TNKS: variants seen among roughly 807,000 people sequenced by gnomAD.
TNKS encodes poly [ADP-ribose] polymerase tankyrase-1.
In TNKS, 72 loss-of-function variants were observed where a neutral mutation model predicts 135.8. The ratio of observed to expected loss-of-function variants is 0.53; its 90% CI spans 0.44 to 0.64. The LOEUF (loss-of-function observed/expected upper bound fraction) is 0.64. Ranked by LOEUF, TNKS falls within the 30% of genes least tolerant of loss-of-function variation. TNKS has a pLI of 0.00. For missense variants in TNKS, 1,769 were observed against 1,674.0 expected (o/e 1.06, Z -0.99); for synonymous variants, 849 against 649.3 (o/e 1.31, Z -4.68).
chr8:9,587,393 C>A (rs1018124785), intron 2 of TNKS, among the ~76,000 whole-genome samples: 19 of 148,872 alleles, frequency 1.3e-4, no homozygotes, highest in African/African-American at 3.4e-4. Context: ...TTGCCGACAC[C>A]TTGATTTTTT....
intron 2 of TNKS, among the ~76,000 whole-genome samples, chr8:9,595,984 C>T (rs527697189): frequency 6.6e-6 from 1 of 152,194 alleles, no homozygotes; most frequent in African/African-American, 2.4e-5. Flanking sequence ...TGGTGGCACA[C>T]ACCTGTGGTC....
intron 1 of TNKS, among the ~76,000 whole-genome samples, chr8:9,563,274 C>G (rs563768083): frequency 2.4e-4 from 37 of 152,196 alleles, no homozygotes; most frequent in African/African-American, 8.9e-4. Context: ...CTTTTGAATC[C>G]TATTAAAAAA....
chr8:9,574,411 A>C (rs1447041893), intron 1 of TNKS, among the ~76,000 whole-genome samples: 1 of 152,114 alleles, frequency 6.6e-6, no homozygotes, highest in Non-Finnish European at 1.5e-5. Context: ...ACCCAGCTGT[A>C]CTTTCACTGT....
In TNKS at chr8:9,731,007, G is replaced by A. The variant is rs1001910543; in HGVS notation, c.2119G>A (p.Gly707Ser). 1.1e-5 allele frequency: 17 copies of A among 1,612,072 alleles called. No individual in the cohort carries two copies. Among genetic ancestry groups the A allele is most frequent in the African/African-American group, 1.3e-5 (1 of 74,852 alleles). ...VSVVEYLLHHGADVHAKDKGG... is the reference protein window; with the variant it reads ...VSVVEYLLHHSADVHAKDKGG... The stretch of plus-strand genomic sequence containing the variant: ...TGTTGTAGAGTACCTGCTACACCAC[G>A]GTGCCGATGTCCATGCCAAAGACAA... Residue 707 changes from glycine to serine, a missense_variant, in exon 14 of 27, where the codon GGT becomes AGT. Around this residue, in one of 5 missense-constraint regions of TNKS, gnomAD observed 69 missense variants for 120.3 expected, o/e 0.57. Coordinates refer to ENST00000310430, the MANE Select transcript of TNKS (RefSeq NM_003747.3).
intron 2 of TNKS, among the ~76,000 whole-genome samples, chr8:9,588,801 G>A (rs1371086104): frequency 6.6e-6 from 1 of 152,154 alleles, no homozygotes; most frequent in Non-Finnish European, 1.5e-5. Flanking sequence ...CTTTCAGACT[G>A]TTCCATCTCT....
chr8:9,646,753 A>G (rs1468474022), intron 3 of TNKS, among the ~76,000 whole-genome samples: 2 of 152,042 alleles, frequency 1.3e-5, no homozygotes, highest in Non-Finnish European at 2.9e-5. Flanking sequence ...TTCTTTTCCA[A>G]GTCAGTTTAG....
chr8:9,637,785 A>G (rs1326191332), intron 3 of TNKS, among the ~76,000 whole-genome samples: 2 of 152,232 alleles, frequency 1.3e-5, no homozygotes, highest in African/African-American at 2.4e-5. Context: ...GATGCTTTAT[A>G]GGAGAGAAAT....
chr8:9,706,967 C>G lies in TNKS; in HGVS notation c.1426C>G (p.Pro476Ala). The G allele has an allele frequency of 3.1e-6, 5 of 1,608,672 alleles. No individual in the cohort carries two copies. The highest frequency in any genetic ancestry group is 4.2e-6 in the Non-Finnish European group (5 of 1,177,958). ...CHGKSAVDMA[P>A]TPELRERLTY... ...TGGCAAAAGTGCTGTGGATATGGCT[C>G]CAACTCCGGAGCTTAGGGAGAGATT... Residue 476 changes from proline (P) to alanine (A), a missense_variant, in exon 8 of 27, where the codon CCA becomes GCA. Pro to Ala is a conservative substitution (Grantham distance 27, BLOSUM62 -1). Coordinates refer to ENST00000310430, the MANE Select transcript of TNKS (RefSeq NM_003747.3).
At chr8:9,727,178 G>T (rs2128815632) in intron 13 of TNKS, among the ~76,000 whole-genome samples, 1 of 152,282 alleles carries the variant, frequency 6.6e-6, no homozygotes, top group African/African-American at 2.4e-5. Context: ...AAGCATTCCT[G>T]TGATCCCTCA....
At chr8:9,680,562 G>A (rs1802739286) in intron 4 of TNKS, among the ~76,000 whole-genome samples, 163 bp from the exon 5 acceptor site, 1 of 152,110 alleles carries the variant, frequency 6.6e-6, no homozygotes, top group South Asian at 2.1e-4. Context: ...GAATTAATTA[G>A]AAATATATTA....
chr8:9,676,398 C>G (rs1383090040), intron 3 of TNKS, among the ~76,000 whole-genome samples: 9 of 152,092 alleles, frequency 5.9e-5, no homozygotes, highest in Non-Finnish European at 5.9e-5. Flanking sequence ...CTCAACAAAA[C>G]CAAATGACTT....
intron 2 of TNKS, among the ~76,000 whole-genome samples, chr8:9,582,551 T>C (rs1798206136): frequency 6.6e-6 from 1 of 152,212 alleles, no homozygotes; most frequent in East Asian, 1.9e-4. Context: ...TCAGGGCAGG[T>C]TGCTGTAGAG....
intron 1 of TNKS, among the ~76,000 whole-genome samples, chr8:9,560,354 G>T (rs1259370878): frequency 6.6e-6 from 1 of 151,576 alleles, no homozygotes; most frequent in East Asian, 1.9e-4. Context: ...GGTAATGTGA[G>T]GTATTTTAAA....
chr8:9,714,299 T>C (rs536224960), intron 11 of TNKS, among the ~76,000 whole-genome samples: 4 of 150,870 alleles, frequency 2.7e-5, no homozygotes, highest in East Asian at 3.9e-4. Context: ...AGTTGACTAA[T>C]CAGTGATATG....
At chr8:9,719,643 G>C (rs1004393288) in intron 11 of TNKS, among the ~76,000 whole-genome samples, 1 of 152,202 alleles carries the variant, frequency 6.6e-6, no homozygotes, top group Non-Finnish European at 1.5e-5. Flanking sequence ...GAAAAGAGCA[G>C]CAAGCACAAT....
intron 25 of TNKS, among the ~76,000 whole-genome samples, chr8:9,769,902 C>T (rs548223278): frequency 6.6e-6 from 1 of 152,230 alleles, no homozygotes; most frequent in East Asian, 1.9e-4. Flanking sequence ...CTACTTTAAA[C>T]TTTAAGTGTA....
chr8:9,614,460 CTGT>C (rs1270107249), intron 2 of TNKS, among the ~76,000 whole-genome samples: 8 of 152,230 alleles, frequency 5.3e-5, no homozygotes, highest in East Asian at 1.9e-4. Flanking sequence ...CTGGATAAGG[CTGT>C]TGTTTGTCCA....
At chr8:9,681,676 G>A (rs886169675) in intron 5 of TNKS, among the ~76,000 whole-genome samples, 1 of 152,092 alleles carries the variant, frequency 6.6e-6, no homozygotes. Flanking sequence ...TATTTACAGT[G>A]AAAATGTTAC....
In TNKS at chr8:9,747,102, C is replaced by T. The variant is rs538702797; in HGVS notation, c.2644-922C>T. Reference sequence around the variant, plus strand: ...TTCACTATGTTGGCCAGGCTGGTCTCGAACTCCTGACCTCAGGTGATCCGC... The same window carrying T: ...TTCACTATGTTGGCCAGGCTGGTCTTGAACTCCTGACCTCAGGTGATCCGC... On this transcript the variant is annotated intron_variant, in intron 17 of 26. Coordinates refer to ENST00000310430, the MANE Select transcript of TNKS (RefSeq NM_003747.3). Among the ~76,000 whole-genome samples the T allele has an allele frequency of 1.5e-4, 23 of 151,996 alleles. 1 individual carries two copies. The highest frequency in any genetic ancestry group is 5.1e-4 in the African/African-American group (21 of 41,472).
Sources: gnomAD v4.1 joint callset for allele counts (sites outside exome capture counted in the v4.1 genomes callset) on GRCh38, gnomAD v4.1.1 for gene constraint, gnomAD v4.1.1 regional missense constraint, MANE v1.5 for transcripts, NCBI Gene and HGNC (gene_info 2026-07-23, HGNC 2026-07-21) for gene names.